Variants in TENM4 observed in about 807,000 individuals in gnomAD.
TENM4 encodes teneurin transmembrane protein 4, also known as teneurin-4.
Under a neutral mutation model 243.3 loss-of-function variants are expected in TENM4, and 82 were observed. The ratio of observed to expected loss-of-function variants is 0.34; its 90% CI spans 0.28 to 0.40. The LOEUF (loss-of-function observed/expected upper bound fraction) is 0.40. TENM4 is among the 10% of genes least tolerant of loss of function. The pLI, the probability that TENM4 is intolerant of heterozygous loss-of-function variation, is 1.00. For missense variants in TENM4, 3,138 were observed against 3,673.3 expected, an observed-to-expected ratio of 0.85 and a Z score of 3.77; for synonymous variants, 1,412 against 1,456.3, an observed-to-expected ratio of 0.97 and a Z score of 0.69.
At chr11:79,099,261 A>T (rs1861162116) in intron 4 of TENM4, among the ~76,000 whole-genome samples, 1 of 151,034 alleles carries the variant, frequency 6.6e-6, no homozygotes, top group Admixed American at 6.6e-5. Context: ...TTCTGTGGGG[A>T]TCTAGCCCCA....
chr11:79,342,908 T>A, intron 1 of TENM4, among the ~76,000 whole-genome samples: 1 of 152,256 alleles, frequency 6.6e-6, no homozygotes, highest in East Asian at 1.9e-4. Context: ...GATACTTCAC[T>A]TCCTGTCCTT....
intron 3 of TENM4, among the ~76,000 whole-genome samples, chr11:79,165,439 T>C (rs1360337473): frequency 6.6e-6 from 1 of 152,174 alleles, no homozygotes; most frequent in Non-Finnish European, 1.5e-5. Context: ...TTTATATACC[T>C]TCTTTTGAGA....
At chr11:78,902,156 A>C (rs941266465) in intron 7 of TENM4, among the ~76,000 whole-genome samples, 1 of 152,228 alleles carries the variant, frequency 6.6e-6, no homozygotes, top group African/African-American at 2.4e-5. Flanking sequence ...CAGTTTTGCC[A>C]GCCTAGGACA....
At chr11:79,157,093 A>G (rs927981194) in intron 3 of TENM4, among the ~76,000 whole-genome samples, 11 of 152,138 alleles carry the variant, frequency 7.2e-5, no homozygotes, top group African/African-American at 2.7e-4. Context: ...CAAGGGAGGA[A>G]ATTGTAGTCA....
intron 6 of TENM4, among the ~76,000 whole-genome samples, chr11:78,948,340 A>G (rs1233511986): frequency 1.3e-5 from 2 of 151,450 alleles, no homozygotes; most frequent in South Asian, 2.1e-4. Flanking sequence ...CATACATACT[A>G]TAGTTTAAAA....
At chr11:78,997,824 T>G (rs1165681849) in intron 6 of TENM4, among the ~76,000 whole-genome samples, 2 of 152,180 alleles carry the variant, frequency 1.3e-5, no homozygotes, top group Non-Finnish European at 2.9e-5. Flanking sequence ...CATTGGAAGG[T>G]AGAGCCTTTT....
At chr11:78,949,010 G>T (rs1857063352) in intron 6 of TENM4, among the ~76,000 whole-genome samples, 1 of 152,170 alleles carries the variant, frequency 6.6e-6, no homozygotes, top group Non-Finnish European at 1.5e-5. Context: ...ACTTGGTTAA[G>T]GTGGTGATTC....
At chr11:79,154,764 G>A (rs1188493516) in intron 3 of TENM4, among the ~76,000 whole-genome samples, 1 of 152,046 alleles carries the variant, frequency 6.6e-6, no homozygotes, top group Non-Finnish European at 1.5e-5. Context: ...CAGAGCCCTT[G>A]TGATCACACT....
intron 1 of TENM4, among the ~76,000 whole-genome samples, chr11:79,304,770 G>A (rs1856600457): frequency 6.6e-6 from 1 of 152,102 alleles, no homozygotes. Context: ...TCCTCCTCTG[G>A]GTGCTCTCAT....
chr11:79,023,533 G>T (rs1453021662), intron 6 of TENM4, among the ~76,000 whole-genome samples: 1 of 148,848 alleles, frequency 6.7e-6, no homozygotes, highest in Non-Finnish European at 1.5e-5. Flanking sequence ...CTGCACTCCA[G>T]CCTGGGTGAC....
intron 5 of TENM4, among the ~76,000 whole-genome samples, chr11:79,068,729 C>G (rs1025557715): frequency 6.6e-6 from 1 of 152,170 alleles, no homozygotes; most frequent in Non-Finnish European, 1.5e-5. Flanking sequence ...GCTCAAGCCT[C>G]TGCAGGCAGA....
intron 2 of TENM4, among the ~76,000 whole-genome samples, chr11:79,227,775 A>G (rs1864300230): frequency 6.6e-6 from 1 of 152,216 alleles, no homozygotes; most frequent in East Asian, 1.9e-4. Context: ...GTGACACTTC[A>G]GAAAGCTTGG....
At chr11:78,723,034 C>T in intron 23 of TENM4, 117 bp from the exon 24 acceptor site, 4 of 1,421,078 alleles carry the variant, frequency 2.8e-6, no homozygotes, top group South Asian at 1.4e-5. Context: ...CAACCATTTC[C>T]AGGATCATAG....
At chr11:78,798,629 C>A (rs972461191) in intron 15 of TENM4, among the ~76,000 whole-genome samples, 2 of 152,154 alleles carry the variant, frequency 1.3e-5, no homozygotes, top group Non-Finnish European at 2.9e-5. Context: ...CTACCTCTGG[C>A]CTTCTTTCCT....
intron 3 of TENM4, among the ~76,000 whole-genome samples, chr11:79,196,510 C>T (rs968698904): frequency 2.0e-5 from 3 of 152,100 alleles, no homozygotes; most frequent in African/African-American, 7.2e-5. Flanking sequence ...GGTCCTAACC[C>T]GACCTATCGG....
rs1455726825 is a variant in TENM4, at chr11:78,796,486, TA to T, written c.2179+8805del. On this transcript the variant is annotated intron_variant, in intron 15 of 33. Coordinates refer to ENST00000278550, the MANE Select transcript of TENM4 (RefSeq NM_001098816.3). Reference sequence around the variant, plus strand: ...GACCTCTGACCCTAATAACCTTTTGTAAAAGGCTCATTTCTCCACTCAGTCA... The same window carrying T: ...GACCTCTGACCCTAATAACCTTTTGTAAAGGCTCATTTCTCCACTCAGTCA... Among the ~76,000 whole-genome samples the T allele has an allele frequency of 2.6e-5, 4 of 152,178 alleles. No homozygotes were observed. In the East Asian group the frequency reaches 7.7e-4, roughly 29 times the overall value.
At chr11:78,818,652 T>C (rs1393951400) in intron 12 of TENM4, among the ~76,000 whole-genome samples, 1 of 152,238 alleles carries the variant, frequency 6.6e-6, no homozygotes, top group Non-Finnish European at 1.5e-5. Flanking sequence ...ACCAGGTATC[T>C]CTGTGCTACA....
chr11:78,872,187 A>C (rs1859149761), intron 9 of TENM4, among the ~76,000 whole-genome samples: 1 of 152,346 alleles, frequency 6.6e-6, no homozygotes, highest in South Asian at 2.1e-4. Flanking sequence ...TTCTTGTCAC[A>C]CTGTCATCAA....
At chr11:79,015,642 C>T (rs11237685) in intron 6 of TENM4, among the ~76,000 whole-genome samples, 5,812 of 152,150 alleles carry the variant, frequency 0.038, 178 homozygotes, top group Non-Finnish European at 0.065. Flanking sequence ...CAGAGAAAGG[C>T]GAAAAACTAA....
Sources: allele counts gnomAD v4.1 joint callset (sites outside exome capture counted in the v4.1 genomes callset), GRCh38; gene constraint gnomAD v4.1.1; transcripts MANE v1.5; gene names NCBI Gene and HGNC (gene_info 2026-07-23, HGNC 2026-07-21).